Variants in PEX5L observed in about 807,000 individuals in gnomAD.
PEX5L encodes peroxisomal biogenesis factor 5 like.
In PEX5L, 30 loss-of-function variants were observed where a neutral mutation model predicts 84.0. That is an observed-to-expected ratio of 0.36 (90% CI 0.27 to 0.48). PEX5L has a LOEUF of 0.48. Ranked by LOEUF, PEX5L falls within the 20% of genes least tolerant of loss-of-function variation. The probability of loss-of-function intolerance (pLI) is 0.99; values close to 1 mark genes in which losing one functional copy is unlikely to be tolerated. For synonymous variants in PEX5L, 270 were observed against 283.1 expected (o/e 0.95, Z 0.46); for missense variants, 533 against 754.6 (o/e 0.71, Z 3.44).
At chr3:179,926,636 A>G (rs926816534) in intron 2 of PEX5L, among the ~76,000 whole-genome samples, 2 of 152,130 alleles carry the variant, frequency 1.3e-5, no homozygotes, top group African/African-American at 4.8e-5. Context: ...ACTTATTGCC[A>G]ATTATGGGTA....
intron 1 of PEX5L, among the ~76,000 whole-genome samples, chr3:180,016,422 A>C (rs1789951957): frequency 6.6e-6 from 1 of 152,270 alleles, no homozygotes; most frequent in African/African-American, 2.4e-5. Flanking sequence ...AATTTAAAAT[A>C]GATGAGATTC....
chr3:179,976,698 A>ACT lies in PEX5L; in HGVS notation c.22-5034_22-5033insAG, dbSNP rs1785832413. Among the ~76,000 whole-genome samples the ACT allele has an allele frequency of 2.6e-5, 4 of 152,320 alleles. No individual in the cohort carries two copies. In the South Asian group the frequency reaches 8.3e-4, roughly 32 times the overall value. ...GGTGATCCACCCACCTCAGCCTCCC[A>ACT]AAGTGCTGGGATTACAGGTGTGAAC... is the stretch of plus-strand genomic sequence containing the variant. On this transcript the variant is annotated intron_variant, in intron 1 of 14. Transcript: ENST00000467460.
chr3:179,887,574 C>T (rs1756291801), intron 4 of PEX5L, 99 bp downstream of exon 4: 7 of 778,750 alleles, frequency 9.0e-6, no homozygotes, highest in South Asian at 1.6e-5. Flanking sequence ...TGGTTGCAAA[C>T]GTTCTTTCCT....
At chr3:179,948,422 G>C (rs987193616) in intron 2 of PEX5L, among the ~76,000 whole-genome samples, 8 of 152,158 alleles carry the variant, frequency 5.3e-5, no homozygotes, top group African/African-American at 1.9e-4. Flanking sequence ...GTTTGGCTGT[G>C]GTCAGCAAGA....
chr3:179,848,594 C>T (rs897190169), intron 8 of PEX5L, among the ~76,000 whole-genome samples: 2 of 150,942 alleles, frequency 1.3e-5, no homozygotes, highest in Non-Finnish European at 3.0e-5. Context: ...ATAGCAACTT[C>T]TCTCGACAGT....
intron 1 of PEX5L, among the ~76,000 whole-genome samples, chr3:180,013,260 A>G (rs1230764363): frequency 6.6e-6 from 1 of 152,206 alleles, no homozygotes; most frequent in African/African-American, 2.4e-5. Flanking sequence ...TGCAACACAT[A>G]TAAGTCTTCA....
At chr3:179,965,860 T>A (rs576475895) in intron 2 of PEX5L, among the ~76,000 whole-genome samples, 1 of 152,126 alleles carries the variant, frequency 6.6e-6, no homozygotes, top group Non-Finnish European at 1.5e-5. Context: ...ATAGAGAATA[T>A]TTAGGAATAA....
intron 2 of PEX5L, among the ~76,000 whole-genome samples, chr3:179,915,168 C>A (rs187375506): frequency 6.6e-6 from 1 of 152,118 alleles, no homozygotes; most frequent in Non-Finnish European, 1.5e-5. Context: ...AGAGTAGGTA[C>A]TCAAATATTT....
intron 3 of PEX5L, among the ~76,000 whole-genome samples, chr3:179,890,008 A>C (rs1417817041): frequency 1.3e-5 from 2 of 152,204 alleles, no homozygotes; most frequent in African/African-American, 4.8e-5. Context: ...AAATATGATT[A>C]GTGTCCCAGA....
chr3:179,795,259 T>C lies in PEX5L; in HGVS notation c.*6569A>G, dbSNP rs1716477416. The C allele has an allele frequency of 6.6e-6, 1 of 152,170 alleles. No homozygotes were observed. 9.4% of individuals were successfully genotyped at this position (152,170 alleles called of 1,614,324 possible). ...CCTCGAAGCCGCAGACAAAGTTTAT[T>C]TGAAAACATAGTTTAAAATTGCACA... On this transcript the variant is annotated 3_prime_UTR_variant, in exon 15 of 15. Transcript: ENST00000467460.
intron 7 of PEX5L, among the ~76,000 whole-genome samples, chr3:179,867,289 T>TC (rs371722506): frequency 8.5e-5 from 13 of 152,280 alleles, no homozygotes; most frequent in African/African-American, 1.9e-4. Flanking sequence ...TGGGTTTTTT[T>TC]CCTGCCCTTT....
At chr3:179,833,394 C>CT (rs1733838952) in intron 8 of PEX5L, among the ~76,000 whole-genome samples, 1 of 152,222 alleles carries the variant, frequency 6.6e-6, no homozygotes, top group Non-Finnish European at 1.5e-5. Flanking sequence ...ACCCACATCT[C>CT]TTAATTCTTA....
At chr3:179,821,442 T>A (rs529437093) in intron 8 of PEX5L, among the ~76,000 whole-genome samples, 1 of 152,324 alleles carries the variant, frequency 6.6e-6, no homozygotes, top group South Asian at 2.1e-4. Flanking sequence ...AAGCAAGAAC[T>A]CTTCTTCAGA....
chr3:179,971,033 AAC>A (rs1046333947), intron 2 of PEX5L, among the ~76,000 whole-genome samples: 1 of 152,144 alleles, frequency 6.6e-6, no homozygotes, highest in Non-Finnish European at 1.5e-5. Flanking sequence ...GGGCCCATAT[AAC>A]ATCCAAGCTA....
chr3:179,970,498 A>G lies in PEX5L; in HGVS notation c.93+1096T>C, dbSNP rs1246874591. 2.6e-5 allele frequency among the ~76,000 whole-genome samples: 4 copies of G among 152,096 alleles called. No homozygotes were observed. The South Asian group carries it at 8.3e-4, about 32-fold the overall frequency. ...GAGAGCAATGATAAGAAAAACTCGGAAGCATTTTGAGTGAATGCTGTAAAA... is the reference window on the plus strand; with the variant it reads ...GAGAGCAATGATAAGAAAAACTCGGGAGCATTTTGAGTGAATGCTGTAAAA... On this transcript the variant is annotated intron_variant, in intron 2 of 14. Coordinates refer to ENST00000467460, the MANE Select transcript of PEX5L (RefSeq NM_016559.3).
At chr3:179,928,985 GCTGTAATTC>G (rs1772242317) in intron 2 of PEX5L, among the ~76,000 whole-genome samples, 1 of 152,168 alleles carries the variant, frequency 6.6e-6, no homozygotes, top group Admixed American at 6.6e-5. Context: ...TGAGAATCCA[GCTGTAATTC>G]TATTCTTCTT....
intron 3 of PEX5L, chr3:179,895,484 T>C (rs557772274): frequency 1.3e-4 from 20 of 152,284 alleles, no homozygotes; most frequent in African/African-American, 4.8e-4. Context: ...TTGGACAGCA[T>C]GAACTTGAGC....
chr3:179,855,859 C>A (rs1260408284), intron 8 of PEX5L, among the ~76,000 whole-genome samples: 1 of 152,122 alleles, frequency 6.6e-6, no homozygotes, highest in African/African-American at 2.4e-5. Flanking sequence ...TGATCTTGAG[C>A]TTTTCAGCCT....
chr3:179,809,287 C>T (rs1272785246), intron 12 of PEX5L, among the ~76,000 whole-genome samples, 184 bp downstream of exon 12: 1 of 151,870 alleles, frequency 6.6e-6, no homozygotes, highest in Non-Finnish European at 1.5e-5. Flanking sequence ...ATCATGTGCC[C>T]GAAGGTTGGC....
Sources: allele counts gnomAD v4.1 joint callset (sites outside exome capture counted in the v4.1 genomes callset), GRCh38; gene constraint gnomAD v4.1.1; transcripts MANE v1.5; gene names NCBI Gene and HGNC (gene_info 2026-07-23, HGNC 2026-07-21).